Variants in MTHFD1L observed in about 807,000 individuals in gnomAD.
MTHFD1L encodes monofunctional C1-tetrahydrofolate synthase, mitochondrial.
In MTHFD1L, 81 loss-of-function variants were observed where a neutral mutation model predicts 119.5. That is an observed-to-expected ratio of 0.68 (90% CI 0.57 to 0.82). MTHFD1L has a LOEUF of 0.82. MTHFD1L is among the 40% of genes least tolerant of loss of function. The pLI is 0.00. For missense variants in MTHFD1L, 1,125 were observed against 1,253.4 expected (o/e 0.90, Z 1.55); for synonymous variants, 430 against 475.2 (o/e 0.90, Z 1.24).
At chr6:151,033,938 G>A (rs1469102218) in intron 24 of MTHFD1L, among the ~76,000 whole-genome samples, 5 of 152,126 alleles carry the variant, frequency 3.3e-5, no homozygotes, top group Non-Finnish European at 7.3e-5. Flanking sequence ...TACTTTGGGA[G>A]GCCGAGGTGG....
chr6:151,092,370 T>G, intron 26 of MTHFD1L, 97 bp from the exon 27 acceptor site: 4 of 856,798 alleles, frequency 4.7e-6, no homozygotes, highest in South Asian at 1.7e-5. Context: ...TAAAGTTCTA[T>G]GAGGCTGTAT....
intron 13 of MTHFD1L, among the ~76,000 whole-genome samples, chr6:150,940,412 C>T (rs867576891): frequency 1.3e-5 from 2 of 151,994 alleles, no homozygotes; most frequent in Non-Finnish European, 2.9e-5. Flanking sequence ...GGATGGGTAC[C>T]ATTCATGAGC....
chr6:150,991,386 A>G (rs763111681), intron 20 of MTHFD1L, among the ~76,000 whole-genome samples: 51 of 152,226 alleles, frequency 3.4e-4, no homozygotes, highest in Non-Finnish European at 6.2e-4. Context: ...GTAAAATAAT[A>G]TATCTCCAAT....
At chr6:150,950,391 T>G (rs1583746835) in intron 16 of MTHFD1L, among the ~76,000 whole-genome samples, 1 of 152,176 alleles carries the variant, frequency 6.6e-6, no homozygotes, top group Admixed American at 6.5e-5. Flanking sequence ...CTTCTGGGAA[T>G]CCACCCAGCC....
chr6:151,099,141 A>G (rs528423251), intron 27 of MTHFD1L, among the ~76,000 whole-genome samples: 2 of 148,908 alleles, frequency 1.3e-5, no homozygotes, highest in Non-Finnish European at 3.0e-5. Flanking sequence ...GCATCGCTGC[A>G]CTCCAGTGTG....
chr6:150,934,218 G>A (rs1026696806), intron 11 of MTHFD1L, among the ~76,000 whole-genome samples: 3 of 152,294 alleles, frequency 2.0e-5, no homozygotes, highest in Admixed American at 1.3e-4. Context: ...TATCAAGTGA[G>A]CGTACAAATA....
intron 20 of MTHFD1L, among the ~76,000 whole-genome samples, chr6:150,991,261 G>C (rs1432765052): frequency 6.1e-5 from 9 of 146,570 alleles, no homozygotes; most frequent in African/African-American, 2.3e-4. Flanking sequence ...CCAGGAAAAA[G>C]CAAAAAAAAA....
At position 151,048,901 on chromosome 6, in the gene MTHFD1L, C is replaced by G. The variant is rs546950372; in HGVS notation, c.2847+11784C>G. 2.1e-3 allele frequency among the ~76,000 whole-genome samples: 317 copies of G among 152,310 alleles called. 1 individual carries two copies. The highest frequency in any genetic ancestry group is 6.5e-3 in the African/African-American group (270 of 41,554). ...TTACACACCAAATATTTCTCACAAA[C>G]ACCAACCAGGTGTCCTCTTATTCAA... On this transcript the variant is annotated intron_variant, in intron 26 of 27. Coordinates refer to ENST00000367321, the MANE Select transcript of MTHFD1L (RefSeq NM_015440.5).
chr6:150,972,659 G>A (rs1254754617), intron 20 of MTHFD1L, among the ~76,000 whole-genome samples: 1 of 152,220 alleles, frequency 6.6e-6, no homozygotes, highest in East Asian at 1.9e-4. Flanking sequence ...TGCTCCTGTG[G>A]AGCGTACTGT....
intron 21 of MTHFD1L, among the ~76,000 whole-genome samples, chr6:151,013,382 G>A (rs769302800): frequency 2.9e-4 from 44 of 152,232 alleles, no homozygotes; most frequent in Non-Finnish European, 5.3e-4. Flanking sequence ...GGCAATTACC[G>A]TAAAATGATT....
rs188675629 is a variant in MTHFD1L, at chr6:150,954,206, A to G, written c.1727-1789A>G. ...ATACGTAATTTCCATCACCATTTTC[A>G]TAAGTGCTGTATCGTATACATTGAG... is the stretch of plus-strand genomic sequence containing the variant. On this transcript the variant is annotated intron_variant, in intron 16 of 27. Coordinates refer to ENST00000367321, the MANE Select transcript of MTHFD1L (RefSeq NM_015440.5). Among the ~76,000 whole-genome samples the G allele has an allele frequency of 4.3e-4, 65 of 152,330 alleles. 1 individual carries two copies. The highest frequency in any genetic ancestry group is 1.4e-3 in the Admixed American group (21 of 15,304).
intron 26 of MTHFD1L, among the ~76,000 whole-genome samples, chr6:151,072,653 G>A (rs923274641): frequency 1.3e-5 from 2 of 152,080 alleles, no homozygotes; most frequent in African/African-American, 4.8e-5. Context: ...GCCAGGCATG[G>A]TGGCGCACAT....
At chr6:150,881,091 A>T (rs557165000) in intron 4 of MTHFD1L, among the ~76,000 whole-genome samples, 8 of 152,006 alleles carry the variant, frequency 5.3e-5, no homozygotes, top group Non-Finnish European at 1.2e-4. Flanking sequence ...TTTTAGTTTG[A>T]TATAATCCCA....
chr6:150,940,262 A>C (rs1052715688), intron 13 of MTHFD1L, among the ~76,000 whole-genome samples: 2 of 152,192 alleles, frequency 1.3e-5, no homozygotes, highest in African/African-American at 4.8e-5. Context: ...AAGGAATAGA[A>C]GTGTTTACCC....
At chr6:151,069,315 C>T (rs1366225073) in intron 26 of MTHFD1L, among the ~76,000 whole-genome samples, 1 of 150,428 alleles carries the variant, frequency 6.6e-6, no homozygotes, top group African/African-American at 2.4e-5. Flanking sequence ...CCTCCCTAAT[C>T]CTCCAGGTTG....
chr6:151,091,152 T>C (rs369677434), intron 26 of MTHFD1L, among the ~76,000 whole-genome samples: 147 of 124,648 alleles, frequency 1.2e-3, no homozygotes, highest in Non-Finnish European at 1.6e-3. Flanking sequence ...TCGCCCCATG[T>C]GACTGGGTGC....
chr6:150,913,830 C>CA (rs1787378704), intron 8 of MTHFD1L, among the ~76,000 whole-genome samples: 1 of 151,700 alleles, frequency 6.6e-6, no homozygotes, highest in Non-Finnish European at 1.5e-5. Context: ...TCTGCCTCTA[C>CA]AAAAAATACA....
At chr6:151,052,681 G>A (rs979146549) in intron 26 of MTHFD1L, among the ~76,000 whole-genome samples, 19 of 152,162 alleles carry the variant, frequency 1.2e-4, no homozygotes, top group African/African-American at 4.1e-4. Context: ...AGGGAATAAG[G>A]GGATCAGACC....
At chr6:150,931,268 C>CTTTTT (rs370763551) in intron 11 of MTHFD1L, among the ~76,000 whole-genome samples, 2 of 123,714 alleles carry the variant, frequency 1.6e-5, no homozygotes, top group Non-Finnish European at 3.4e-5. Flanking sequence ...ATCATTTCAT[C>CTTTTT]TTTTTTTTTT....
Sources: gnomAD v4.1 joint callset for allele counts (sites outside exome capture counted in the v4.1 genomes callset) on GRCh38, gnomAD v4.1.1 for gene constraint, MANE v1.5 for transcripts, NCBI Gene and HGNC (gene_info 2026-07-23, HGNC 2026-07-21) for gene names.